The following SLC8A1 variants were observed in gnomAD, a reference collection of about 807,000 sequenced individuals.
SLC8A1 encodes solute carrier family 8 member A1, also known as sodium/calcium exchanger 1.
SLC8A1 carries 18 observed loss-of-function variants against 68.3 expected under a neutral mutation model. The observed-to-expected ratio is 0.26, with a 90% CI of 0.18 to 0.39. The LOEUF (loss-of-function observed/expected upper bound fraction) is 0.39, where lower values mean the gene tolerates loss of function less well. Among genes scored for constraint, SLC8A1 ranks in the 10% least tolerant of loss-of-function variants. The pLI is 1.00. For missense variants in SLC8A1, 985 were observed against 1,156.7 expected (o/e 0.85, Z 2.15); for synonymous variants, 475 against 415.5 (o/e 1.14, Z -1.74).
intron 1 of SLC8A1, among the ~76,000 whole-genome samples, chr2:40,471,126 C>T (rs1028022898): frequency 3.9e-5 from 6 of 152,140 alleles, no homozygotes; most frequent in Admixed American, 2.6e-4. Context: ...AAACAGCAAA[C>T]CTCTGCCACT....
intron 2 of SLC8A1, among the ~76,000 whole-genome samples, chr2:40,378,846 A>G (rs568949200): frequency 1.3e-5 from 2 of 152,106 alleles, no homozygotes; most frequent in African/African-American, 2.4e-5. Flanking sequence ...GGTTGAGCTC[A>G]ATGCCACCTC....
intron 2 of SLC8A1, among the ~76,000 whole-genome samples, chr2:40,283,359 C>G (rs1421516689): frequency 6.6e-6 from 1 of 152,158 alleles, no homozygotes; most frequent in East Asian, 1.9e-4. Context: ...AATGGTAAAA[C>G]ATCTGGATCT....
chr2:40,335,510 G>A (rs1052592215), intron 2 of SLC8A1, among the ~76,000 whole-genome samples: 3 of 152,204 alleles, frequency 2.0e-5, no homozygotes, highest in Admixed American at 2.0e-4. Flanking sequence ...AACTGGATGG[G>A]AATGACTGAC....
At chr2:40,169,163 G>A (rs1445729184) in intron 4 of SLC8A1, among the ~76,000 whole-genome samples, 1 of 152,176 alleles carries the variant, frequency 6.6e-6, no homozygotes, top group Non-Finnish European at 1.5e-5. Flanking sequence ...TGCTGAGAGT[G>A]GGAAAACAAC....
intron 2 of SLC8A1, among the ~76,000 whole-genome samples, chr2:40,249,014 C>G (rs749003042): frequency 6.6e-6 from 1 of 152,174 alleles, no homozygotes; most frequent in Non-Finnish European, 1.5e-5. Context: ...AACAGGATGA[C>G]GTGCTGAGTT....
chr2:40,200,239 A>AATATATAT (rs1205217029), intron 2 of SLC8A1, among the ~76,000 whole-genome samples: 1 of 16,834 alleles, frequency 5.9e-5, no homozygotes, highest in Non-Finnish European at 1.1e-4. Flanking sequence ...TATATATATA[A>AATATATAT]ATATATATAT....
At chr2:40,196,137 C>T (rs1402985573) in intron 2 of SLC8A1, among the ~76,000 whole-genome samples, 1 of 151,554 alleles carries the variant, frequency 6.6e-6, no homozygotes, top group Non-Finnish European at 1.5e-5. Context: ...TGAGAGGAGG[C>T]TATTAAAAAT....
At chr2:40,357,090 G>A (rs1013165160) in intron 2 of SLC8A1, among the ~76,000 whole-genome samples, 4 of 152,164 alleles carry the variant, frequency 2.6e-5, no homozygotes, top group Admixed American at 6.5e-5. Flanking sequence ...TAGGGTAGGA[G>A]GCACATGAAA....
intron 2 of SLC8A1, among the ~76,000 whole-genome samples, chr2:40,183,048 C>A (rs2049933873): frequency 6.6e-6 from 1 of 152,170 alleles, no homozygotes; most frequent in Non-Finnish European, 1.5e-5. Context: ...TTCTCAGAGG[C>A]CAGTGGAATG....
At chr2:40,449,015 T>C (rs1265952792) in intron 1 of SLC8A1, among the ~76,000 whole-genome samples, 1 of 151,958 alleles carries the variant, frequency 6.6e-6, no homozygotes, top group African/African-American at 2.4e-5. Flanking sequence ...TTTTTCCAGA[T>C]CTAATTTATA....
chr2:40,358,885 A>G (rs1415765757), intron 2 of SLC8A1, among the ~76,000 whole-genome samples: 1 of 152,196 alleles, frequency 6.6e-6, no homozygotes, highest in African/African-American at 2.4e-5. Context: ...AAGGCAAAGA[A>G]CCACACAAAA....
intron 1 of SLC8A1, among the ~76,000 whole-genome samples, chr2:40,488,835 T>G (rs1055676361): frequency 5.9e-5 from 9 of 152,092 alleles, no homozygotes; most frequent in African/African-American, 1.9e-4. Context: ...TTGAAATAGT[T>G]CAGTAGGAGT....
chr2:40,258,168 T>C (rs1574841568), intron 2 of SLC8A1, among the ~76,000 whole-genome samples: 1 of 152,204 alleles, frequency 6.6e-6, no homozygotes, highest in Admixed American at 6.5e-5. Context: ...CAGTGACATT[T>C]TGTTCAAATT....
intron 2 of SLC8A1, among the ~76,000 whole-genome samples, chr2:40,197,079 G>C (rs1280987081): frequency 6.6e-6 from 1 of 152,036 alleles, no homozygotes; most frequent in Admixed American, 6.6e-5. Context: ...CACATCAGTG[G>C]CTGCAAATCA....
At chr2:40,203,008 T>G (rs1363932755) in intron 2 of SLC8A1, among the ~76,000 whole-genome samples, 1 of 151,984 alleles carries the variant, frequency 6.6e-6, no homozygotes, top group African/African-American at 2.4e-5. Context: ...ACTCAGTGAC[T>G]CTACAGCCAT....
chr2:40,299,822 C>T (rs1455062153), intron 2 of SLC8A1, among the ~76,000 whole-genome samples: 1 of 152,112 alleles, frequency 6.6e-6, no homozygotes, highest in Non-Finnish European at 1.5e-5. Flanking sequence ...AGTGAATTGC[C>T]AAGGAGCAGA....
intron 2 of SLC8A1, among the ~76,000 whole-genome samples, chr2:40,403,757 T>C (rs1304782428): frequency 6.6e-6 from 1 of 152,198 alleles, no homozygotes; most frequent in East Asian, 1.9e-4. Context: ...ACAGAACCTA[T>C]TCATAGAAAG....
chr2:40,129,389 C>G (rs1442580160), intron 7 of SLC8A1, among the ~76,000 whole-genome samples: 1 of 109,786 alleles, frequency 9.1e-6, no homozygotes, highest in Non-Finnish European at 1.9e-5. Context: ...TACCACCATG[C>G]CCAGCTAATT....
chr2:40,378,727 A>G (rs1431413469), intron 2 of SLC8A1, among the ~76,000 whole-genome samples: 1 of 152,084 alleles, frequency 6.6e-6, no homozygotes, highest in East Asian at 1.9e-4. Context: ...AGAAGCCAGA[A>G]AGAATTCAGC....
Sources: allele counts gnomAD v4.1 joint callset (sites outside exome capture counted in the v4.1 genomes callset), GRCh38; gene constraint gnomAD v4.1.1; transcripts MANE v1.5; gene names NCBI Gene and HGNC (gene_info 2026-07-23, HGNC 2026-07-21).